SIGLEC9: variants seen among roughly 807,000 people sequenced by gnomAD.
SIGLEC9 encodes sialic acid binding Ig like lectin 9, also known as sialic acid-binding Ig-like lectin 9.
A neutral mutation model predicts 38.3 loss-of-function variants in SIGLEC9; 26 were observed. That is an observed-to-expected ratio of 0.68 (90% CI 0.50 to 0.94). The LOEUF is 0.94. Ranked by LOEUF, SIGLEC9 falls within the 40% of genes least tolerant of loss-of-function variation. SIGLEC9 has a pLI of 0.00. For missense variants in SIGLEC9, 556 were observed against 585.7 expected, an observed-to-expected ratio of 0.95 and a Z score of 0.52; for synonymous variants, 236 against 248.0, an observed-to-expected ratio of 0.95 and a Z score of 0.45.
In SIGLEC9 at chr19:51,127,294, A is replaced by G. The variant is rs769155722; in HGVS notation, c.1013A>G (p.Gln338Arg). 7 of 1,608,696 alleles carry G rather than the reference A, an allele frequency of 4.4e-6. No individual in the cohort carries two copies. The Admixed American group carries it at 1.2e-4, about 27-fold the overall frequency. ...SQQVYLNVSL[Q>R]SKATSGVTQG... ...CAGGTCTACCTGAACGTCTCCCTGC[A>G]GAGTGAGTGCACCAGTATGCTGGGG... Residue 338 changes from glutamine (Q) to arginine (R), a missense_variant and splice_region_variant, in exon 4 of 7, where the codon CAG becomes CGG. Gln to Arg is a conservative substitution (Grantham distance 43). Coordinates refer to ENST00000250360, the MANE Select transcript of SIGLEC9 (RefSeq NM_014441.3).
At position 51,128,422 on chromosome 19, in the gene SIGLEC9, C is replaced by T; in HGVS notation, c.1115C>T (p.Ser372Phe). The change falls in exon 6 of 7, where the codon TCC (serine) becomes TTC (phenylalanine). Residue 372 changes from serine (S) to phenylalanine (F), a missense_variant. Transcript: ENST00000250360. ...SFCVIFVVVR[S>F]CRKKSARPAA... Reference sequence around the variant, plus strand: ...CTGGTCTCTTCACTCAGAGTGAGGTCCTGCAGGAAGAAATCGGCAAGGCCA... The same window carrying T: ...CTGGTCTCTTCACTCAGAGTGAGGTTCTGCAGGAAGAAATCGGCAAGGCCA... 6.2e-7 allele frequency: 1 copy of T among 1,614,088 alleles called. No homozygotes were observed. The highest frequency in any genetic ancestry group is 8.5e-7 in the Non-Finnish European group (1 of 1,179,982).
chr19:51,124,439 T>C (rs1443190882), upstream of SIGLEC9, among the ~76,000 whole-genome samples: 1 of 152,072 alleles, frequency 6.6e-6, no homozygotes, highest in Non-Finnish European at 1.5e-5. Context: ...AGTGACCCCT[T>C]GGGGACAGTG....
intron 6 of SIGLEC9, among the ~76,000 whole-genome samples, chr19:51,129,411 G>T (rs1394047737): frequency 6.6e-6 from 1 of 151,740 alleles, no homozygotes; most frequent in Non-Finnish European, 1.5e-5. Context: ...TGCCCACCTT[G>T]GCTTCCCGAA....
At chr19:51,126,187 C>A in intron 3 of SIGLEC9, 59 bp downstream of exon 3, 2 of 1,509,356 alleles carry the variant, frequency 1.3e-6, no homozygotes, top group Non-Finnish European at 1.8e-6. Context: ...CAGGATGGGG[C>A]TGGCTTATTC....
intron 3 of SIGLEC9, 99 bp downstream of exon 3, chr19:51,126,227 G>A: frequency 2.5e-6 from 3 of 1,222,992 alleles, no homozygotes; most frequent in Non-Finnish European, 3.6e-6. Flanking sequence ...GGCAAACAGG[G>A]ATGTCCTTGT....
At chr19:51,135,618 A>G (rs2092037678) in intron 6 of SIGLEC9, among the ~76,000 whole-genome samples, 1 of 151,896 alleles carries the variant, frequency 6.6e-6, no homozygotes. Flanking sequence ...TTATATGTCA[A>G]CCTCTCTAGC....
chr19:51,127,807 A>G, intron 4 of SIGLEC9, 142 bp from the exon 5 acceptor site: 3 of 561,606 alleles, frequency 5.3e-6, no homozygotes, highest in East Asian at 5.8e-5. Context: ...GAGTCTCTCC[A>G]TGTCCTGCTC....
At chr19:51,131,589 A>AT (rs2092015263), downstream of SIGLEC9, among the ~76,000 whole-genome samples, 4 of 150,108 alleles carry the variant, frequency 2.7e-5, no homozygotes, top group South Asian at 2.1e-4. Flanking sequence ...CCGTCTCAAA[A>AT]AAAATAAATA....
At chr19:51,132,776 A>T (rs1390228990), downstream of SIGLEC9, among the ~76,000 whole-genome samples, 1 of 152,180 alleles carries the variant, frequency 6.6e-6, no homozygotes, top group East Asian at 1.9e-4. Context: ...AACACAAATG[A>T]ACTAAGATAA....
At chr19:51,129,152 T>G (rs1310411980) in intron 6 of SIGLEC9, among the ~76,000 whole-genome samples, 4 of 146,522 alleles carry the variant, frequency 2.7e-5, no homozygotes, top group Non-Finnish European at 5.9e-5. Context: ...TTTTGTTTTT[T>G]TTTTTTTTTG....
At chr19:51,129,117 C>T (rs1307434325) in intron 6 of SIGLEC9, among the ~76,000 whole-genome samples, 1 of 151,684 alleles carries the variant, frequency 6.6e-6, no homozygotes, top group Non-Finnish European at 1.5e-5. Context: ...ACTCTATAGC[C>T]TGCAGCAGTG....
In SIGLEC9 at chr19:51,130,267, G is replaced by T; in HGVS notation, c.*188G>T. ...TATCTCAAACCTGAATCCACACTGT[G>T]CCCTCCCTTTTATTTTTTTAACTAA... On this transcript the variant is annotated 3_prime_UTR_variant, in exon 7 of 7. Coordinates refer to ENST00000250360, the MANE Select transcript of SIGLEC9 (RefSeq NM_014441.3). 1 of 1,144,698 alleles carries T rather than the reference G, an allele frequency of 8.7e-7. No individual in the cohort carries two copies. The highest frequency in any genetic ancestry group is 3.2e-4 in the Middle Eastern group (1 of 3,108). 70.9% of individuals were successfully genotyped at this position (1,144,698 alleles called of 1,614,324 possible).
rs1439174403 is a variant in SIGLEC9 at position 51,125,258 on chromosome 19, G to A, written c.284G>A (p.Gly95Glu). 6.2e-7 allele frequency: 1 copy of A among 1,614,020 alleles called. No individual in the cohort carries two copies. Among genetic ancestry groups the A allele is most frequent in the Admixed American group, 1.7e-5 (1 of 60,010 alleles). Residue 95 changes from glycine to glutamate, a missense_variant, in exon 1 of 7, where the codon GGG (glycine) becomes GAG (glutamate). Gly to Glu is a moderately conservative substitution (Grantham distance 98, BLOSUM62 -2). Transcript: ENST00000250360. The part of the protein sequence containing the change: ...EETRDRFHLL[G>E]DPHTKNCTLS... Reference sequence around the variant, plus strand: ...ACTCGGGACCGATTCCACCTCCTTGGGGACCCACATACCAAGAATTGCACC... The same window carrying A: ...ACTCGGGACCGATTCCACCTCCTTGAGGACCCACATACCAAGAATTGCACC...
Position 51,125,722 on chromosome 19 carries a change from A to T in SIGLEC9, c.547A>T (p.Thr183Ser), listed in dbSNP as rs1298986216. 6.2e-7 allele frequency: 1 copy of T among 1,613,670 alleles called. No homozygotes were observed. Among genetic ancestry groups the T allele is most frequent in the Non-Finnish European group, 8.5e-7 (1 of 1,179,884 alleles). The change falls in exon 2 of 7, where the codon ACC becomes TCC. Residue 183 changes from threonine (T) to serine (S), a missense_variant. Physicochemically the swap from Thr to Ser is moderately conservative, Grantham distance 58. Transcript: ENST00000250360. ...ACCCCCTATGATCTCCTGGATAGGG[A>T]CCTCCGTGTCCCCCCTGGACCCCTC... ...GTPPMISWIG[T>S]SVSPLDPSTT...
intron 5 of SIGLEC9, 67 bp downstream of exon 5, chr19:51,128,106 C>T (rs273691): frequency 0.19 from 249,282 of 1,323,198 alleles, 29,076 homozygotes; most frequent in East Asian, 0.56. Flanking sequence ...AAGCTGGATC[C>T]CTGAAGCCAG....
chr19:51,125,471 G>T (rs989362354), intron 1 of SIGLEC9, 76 bp downstream of exon 1: 8 of 1,547,434 alleles, frequency 5.2e-6, no homozygotes, highest in Non-Finnish European at 7.0e-6. Context: ...TGGAGCCCCT[G>T]CCCCAGGAGA....
chr19:51,121,230 A>G (rs2122824011), upstream of SIGLEC9, among the ~76,000 whole-genome samples: 1 of 152,198 alleles, frequency 6.6e-6, no homozygotes, highest in Non-Finnish European at 1.5e-5. Flanking sequence ...ATCTCGGCTC[A>G]CTGTAACCTA....
At position 51,128,489 on chromosome 19, in the gene SIGLEC9, T is replaced by C; in HGVS notation, c.1182T>C (p.Ala394=). ...ATACGGGCATAGAGGATGCAAACGCTGTCAGGGGTTCAGCCTCTCAGGTGA... is the reference window on the plus strand; with the variant it reads ...ATACGGGCATAGAGGATGCAAACGCCGTCAGGGGTTCAGCCTCTCAGGTGA... The part of the protein sequence containing the change: ...VGDTGIEDAN[A]VRGSASQGPL... Residue 394 remains alanine, a synonymous_variant, in exon 6 of 7, where the codon GCT becomes GCC. Transcript: ENST00000250360. 6.2e-7 allele frequency: 1 copy of C among 1,614,084 alleles called. No homozygotes were observed. The highest frequency in any genetic ancestry group is 8.5e-7 in the Non-Finnish European group (1 of 1,179,962).
In SIGLEC9 at chr19:51,125,847, G is replaced by A. The variant is rs368922715; in HGVS notation, c.672G>A (p.Thr224=). The change falls in exon 2 of 7, where the codon ACG becomes ACA. Residue 224 remains threonine, a synonymous_variant. Coordinates refer to ENST00000250360, the MANE Select transcript of SIGLEC9 (RefSeq NM_014441.3). The stretch of plus-strand genomic sequence containing the variant: ...CCTTCCCTGGGGCCAGCGTGACCAC[G>A]AACAAGACCGTCCATCTCAACGTGT... ...QVTFPGASVT[T]NKTVHLNVSY... The A allele has an allele frequency of 3.8e-4, 617 of 1,614,130 alleles. 1 individual carries two copies. The highest frequency in any genetic ancestry group is 4.7e-4 in the Non-Finnish European group (560 of 1,180,012).
Sources: allele counts gnomAD v4.1 joint callset (sites outside exome capture counted in the v4.1 genomes callset), GRCh38; gene constraint gnomAD v4.1.1; transcripts MANE v1.5; gene names NCBI Gene and HGNC (gene_info 2026-07-23, HGNC 2026-07-21).